TCF12: variants seen among roughly 807,000 people sequenced by gnomAD.
The protein encoded by TCF12 is DNA-binding protein HTF4.
Under a neutral mutation model 86.0 loss-of-function variants are expected in TCF12, and 45 were observed. That is an observed-to-expected ratio of 0.52 (90% CI 0.41 to 0.67). TCF12 has a LOEUF of 0.67. TCF12 is among the 30% of genes least tolerant of loss of function. The pLI, the probability that TCF12 is intolerant of heterozygous loss-of-function variation, is 0.00. For missense variants in TCF12, 881 were observed against 859.9 expected (o/e 1.02, Z -0.31); for synonymous variants, 330 against 299.6 (o/e 1.10, Z -1.05).
chr15:57,023,177 T>A (rs765902404), intron 3 of TCF12, among the ~76,000 whole-genome samples: 8 of 152,210 alleles, frequency 5.3e-5, no homozygotes, highest in Non-Finnish European at 1.2e-4. Context: ...AGCAGATTAT[T>A]TGAACAACAT....
intron 5 of TCF12, among the ~76,000 whole-genome samples, chr15:57,132,471 T>C (rs1206331095): frequency 6.6e-6 from 1 of 152,208 alleles, no homozygotes; most frequent in East Asian, 1.9e-4. Flanking sequence ...TTCAGGGTTG[T>C]CAAAGGGTCA....
rs1251561204 is a variant in TCF12 at position 57,039,561 on chromosome 15, A to G, written c.149-24189A>G. 4.6e-5 allele frequency among the ~76,000 whole-genome samples: 7 copies of G among 151,218 alleles called. No individual in the cohort carries two copies. In the East Asian group the frequency reaches 9.6e-4, roughly 21 times the overall value. On this transcript the variant is annotated intron_variant, in intron 3 of 20. Transcript: ENST00000333725. ...TTCTCTGTCAGACCCTTCCTTACCC[A>G]TGACCAAAAAAAATCCTTAATTTTA...
intron 3 of TCF12, among the ~76,000 whole-genome samples, chr15:57,045,447 G>A (rs755808257): frequency 5.3e-5 from 8 of 152,148 alleles, no homozygotes; most frequent in Admixed American, 3.9e-4. Flanking sequence ...GTGGGATCAG[G>A]ATTGTGTCAG....
In TCF12 at chr15:57,234,070, C is replaced by A; in HGVS notation, c.998C>A (p.Ser333Ter). Residue 333 changes from serine to a stop codon, truncating the protein, a stop_gained, in exon 12 of 21, where the codon TCA becomes TAA. Transcript: ENST00000333725. LOFTEE classifies it high-confidence loss of function. ...LGTRGNAAGSSQTGDALGKAL... is the reference protein window; with the variant it reads ...LGTRGNAAGS ...ACCAGAGGGAATGCTGCTGGAAGCTCACAGACAGGTGATGCACTTGGAAAG... is the reference window on the plus strand; with the variant it reads ...ACCAGAGGGAATGCTGCTGGAAGCTAACAGACAGGTGATGCACTTGGAAAG... 1 of 1,613,604 alleles carries A rather than the reference C, an allele frequency of 6.2e-7. No homozygotes were observed. Among genetic ancestry groups the A allele is most frequent in the South Asian group, 1.1e-5 (1 of 91,064 alleles).
chr15:57,286,858 G>A lies in TCF12; in HGVS notation c.*713G>A, dbSNP rs2061951163. 5.5e-6 allele frequency: 2 copies of A among 363,692 alleles called. No individual in the cohort carries two copies. Among genetic ancestry groups the A allele is most frequent in the African/African-American group, 4.3e-5 (2 of 46,758 alleles). 22.5% of individuals were successfully genotyped at this position (363,692 alleles called of 1,614,324 possible). A position where few individuals can be genotyped will look rare whatever the true frequency, so the allele number is the denominator to read the frequency against. On this transcript the variant is annotated 3_prime_UTR_variant, in exon 21 of 21. Coordinates refer to ENST00000333725, the MANE Select transcript of TCF12 (RefSeq NM_207037.2). The stretch of plus-strand genomic sequence containing the variant: ...TGATCTCTAAATCTGAACAGTTTAT[G>A]GTCACAGTCCAGCCTCCTCCGTGCA...
At chr15:57,071,408 G>C (rs1249312970) in intron 4 of TCF12, among the ~76,000 whole-genome samples, 6 of 152,086 alleles carry the variant, frequency 3.9e-5, no homozygotes, top group Non-Finnish European at 7.4e-5. Flanking sequence ...ACTTTGGGAA[G>C]CTGAGGCAAG....
intron 4 of TCF12, 103 bp downstream of exon 4, chr15:57,063,926 T>C (rs1281480270): frequency 5.2e-6 from 5 of 963,706 alleles, no homozygotes; most frequent in Middle Eastern, 2.2e-4. Flanking sequence ...TAATTTCTTT[T>C]CATGGAAATG....
At chr15:57,219,153 C>G in intron 8 of TCF12, 1 of 1,068,232 alleles carries the variant, frequency 9.4e-7, no homozygotes, top group Non-Finnish European at 1.1e-6. Flanking sequence ...TGTCAGTATG[C>G]CTTCCTTTTG....
chr15:56,989,147 A>G (rs1386483633), intron 3 of TCF12, among the ~76,000 whole-genome samples: 4 of 152,094 alleles, frequency 2.6e-5, no homozygotes, highest in South Asian at 2.1e-4. Flanking sequence ...ATTTATACCA[A>G]CATTTAAATT....
chr15:57,142,459 G>C (rs2151414231), intron 5 of TCF12, among the ~76,000 whole-genome samples: 1 of 23,258 alleles, frequency 4.3e-5, no homozygotes, highest in South Asian at 1.5e-3. Context: ...GGAAAGGAAG[G>C]ATGTGCCAAA....
intron 4 of TCF12, among the ~76,000 whole-genome samples, chr15:57,088,652 G>C (rs903386250): frequency 6.6e-6 from 1 of 151,956 alleles, no homozygotes; most frequent in Non-Finnish European, 1.5e-5. Flanking sequence ...TTTATTCCAA[G>C]TTGTGTAAGT....
At position 57,219,656 on chromosome 15, in the gene TCF12, C is replaced by G. The variant is rs1464414877; in HGVS notation, c.580-11496C>G. Reference sequence around the variant, plus strand: ...AAAGGAAAGCAGTATACATTACTCGCTTTTTACTAAAATCTGTGAGGTTTT... The same window carrying G: ...AAAGGAAAGCAGTATACATTACTCGGTTTTTACTAAAATCTGTGAGGTTTT... On this transcript the variant is annotated intron_variant, in intron 8 of 20. Coordinates refer to ENST00000333725, the MANE Select transcript of TCF12 (RefSeq NM_207037.2). The G allele has an allele frequency of 2.1e-6, 3 of 1,445,562 alleles. No individual in the cohort carries two copies. The African/African-American group carries it at 4.2e-5, about 20-fold the overall frequency. The allele number at this position is 1,445,562 out of a possible 1,614,324, so 89.5% of individuals were successfully genotyped here.
At chr15:57,183,599 T>C (rs2056490442) in intron 6 of TCF12, among the ~76,000 whole-genome samples, 1 of 152,088 alleles carries the variant, frequency 6.6e-6, no homozygotes, top group Admixed American at 6.5e-5. Context: ...AGACAAAAGG[T>C]TTATGCCCAG....
chr15:56,941,393 A>T (rs2060767193), intron 3 of TCF12, among the ~76,000 whole-genome samples: 1 of 145,634 alleles, frequency 6.9e-6, no homozygotes, highest in African/African-American at 2.5e-5. Context: ...TTTTTTTGAG[A>T]TGGAGTTTTG....
intron 5 of TCF12, among the ~76,000 whole-genome samples, chr15:57,153,968 C>G (rs2053941217): frequency 6.6e-6 from 1 of 151,112 alleles, no homozygotes; most frequent in South Asian, 2.1e-4. Context: ...GCATTCCACC[C>G]TGGGTGACAG....
At chr15:56,955,675 A>G (rs953541854) in intron 3 of TCF12, among the ~76,000 whole-genome samples, 1 of 152,206 alleles carries the variant, frequency 6.6e-6, no homozygotes, top group Non-Finnish European at 1.5e-5. Flanking sequence ...GCCTTGGCAA[A>G]TGTTCTGTAT....
chr15:57,098,809 A>G (rs544724814), intron 5 of TCF12, among the ~76,000 whole-genome samples: 2 of 152,316 alleles, frequency 1.3e-5, no homozygotes, highest in South Asian at 4.2e-4. Flanking sequence ...AAGGCTAGGA[A>G]TAGATTGATT....
At chr15:56,995,618 A>G (rs2063675730) in intron 3 of TCF12, among the ~76,000 whole-genome samples, 1 of 151,770 alleles carries the variant, frequency 6.6e-6, no homozygotes, top group South Asian at 2.1e-4. Context: ...GTTAAATGTC[A>G]CTGCTGACTT....
chr15:57,107,582 G>A (rs976130351), intron 5 of TCF12, among the ~76,000 whole-genome samples: 1 of 152,082 alleles, frequency 6.6e-6, no homozygotes, highest in Non-Finnish European at 1.5e-5. Flanking sequence ...GGGGGATAAT[G>A]ATGTGTCAAT....
Sources: allele counts gnomAD v4.1 joint callset (sites outside exome capture counted in the v4.1 genomes callset), GRCh38; gene constraint gnomAD v4.1.1; transcripts MANE v1.5; gene names NCBI Gene and HGNC (gene_info 2026-07-23, HGNC 2026-07-21).